UBE2E2: variants seen among roughly 807,000 people sequenced by gnomAD.
UBE2E2 encodes ubiquitin-conjugating enzyme E2 E2.
In UBE2E2, 6 loss-of-function variants were observed where a neutral mutation model predicts 24.7. That is an observed-to-expected ratio of 0.24 (90% CI 0.13 to 0.48). The LOEUF (loss-of-function observed/expected upper bound fraction) is 0.48, where lower values mean the gene tolerates loss of function less well. Among genes scored for constraint, UBE2E2 ranks in the 20% least tolerant of loss-of-function variants. UBE2E2 has a pLI of 0.99. For synonymous variants in UBE2E2, 104 were observed against 83.6 expected, an observed-to-expected ratio of 1.24 and a Z score of -1.33; for missense variants, 169 against 245.0, an observed-to-expected ratio of 0.69 and a Z score of 2.07.
At chr3:23,493,471 A>C (rs1355394950) in intron 3 of UBE2E2, among the ~76,000 whole-genome samples, 2 of 152,194 alleles carry the variant, frequency 1.3e-5, no homozygotes, top group Non-Finnish European at 2.9e-5. Flanking sequence ...TTCATTCTAA[A>C]AGATTTACCT....
chr3:23,454,594 G>C (rs1250006432), intron 3 of UBE2E2, among the ~76,000 whole-genome samples: 1 of 152,198 alleles, frequency 6.6e-6, no homozygotes, highest in Non-Finnish European at 1.5e-5. Flanking sequence ...ATATAACACA[G>C]ACTGTGTTTC....
chr3:23,568,698 T>C (rs200000531), intron 5 of UBE2E2, among the ~76,000 whole-genome samples: 2,895 of 59,144 alleles, frequency 0.049, 67 homozygotes, highest in Middle Eastern at 0.17. Flanking sequence ...TATACACACA[T>C]ATATATATAC....
chr3:23,561,443 G>C (rs1184688790), intron 5 of UBE2E2, among the ~76,000 whole-genome samples: 1 of 152,042 alleles, frequency 6.6e-6, no homozygotes, highest in African/African-American at 2.4e-5. Flanking sequence ...CTCTGTTTTG[G>C]TACCAGTACC....
intron 5 of UBE2E2, among the ~76,000 whole-genome samples, chr3:23,584,522 A>G (rs563663845): frequency 8.1e-4 from 123 of 152,034 alleles, no homozygotes; most frequent in African/African-American, 2.9e-3. Flanking sequence ...AGATCTCAAA[A>G]AATGCGAAGA....
intron 3 of UBE2E2, among the ~76,000 whole-genome samples, chr3:23,492,410 A>T (rs1185726391): frequency 6.6e-6 from 1 of 152,216 alleles, no homozygotes; most frequent in Non-Finnish European, 1.5e-5. Flanking sequence ...CCCTGGACTT[A>T]CAGGGACTGA....
chr3:23,309,027 A>T (rs935919431), intron 3 of UBE2E2, among the ~76,000 whole-genome samples: 2 of 152,194 alleles, frequency 1.3e-5, no homozygotes, highest in African/African-American at 4.8e-5. Flanking sequence ...AGCAAACTGA[A>T]TATCCCCCTT....
chr3:23,317,598 A>T (rs1433147380), intron 3 of UBE2E2, among the ~76,000 whole-genome samples: 1 of 152,176 alleles, frequency 6.6e-6, no homozygotes, highest in African/African-American at 2.4e-5. Flanking sequence ...GTGGAAGGCA[A>T]GGAGGAGTAA....
chr3:23,333,026 C>T (rs1005495773), intron 3 of UBE2E2, among the ~76,000 whole-genome samples: 1 of 152,158 alleles, frequency 6.6e-6, no homozygotes, highest in Non-Finnish European at 1.5e-5. Context: ...AAAAGTATGA[C>T]ATTGGTGATG....
rs1306610212 is a variant in UBE2E2 at position 23,407,349 on chromosome 3, C to T, written c.228-92259C>T. ...GCTACACAGCTGCTTAGTTCTGGTT[C>T]TGTGACCTTAGCTAAGATCCCAGTG... On this transcript the variant is annotated intron_variant, in intron 3 of 5. Coordinates refer to ENST00000396703, the MANE Select transcript of UBE2E2 (RefSeq NM_152653.4). This position sits in a 1 kb window ranked among gnomAD's most constrained non-coding sequence, Gnocchi z 4.0. Among the ~76,000 whole-genome samples, 1 of 152,150 alleles carries T rather than the reference C, an allele frequency of 6.6e-6. No individual in the cohort carries two copies. The highest frequency in any genetic ancestry group is 1.5e-5 in the Non-Finnish European group (1 of 68,020).
intron 3 of UBE2E2, among the ~76,000 whole-genome samples, chr3:23,265,361 G>C (rs1261398585): frequency 2.0e-5 from 3 of 152,088 alleles, no homozygotes; most frequent in East Asian, 3.9e-4. Context: ...ATGGTAGTGT[G>C]GTTTAGCTTA....
chr3:23,236,955 A>G (rs1296622932), intron 3 of UBE2E2, among the ~76,000 whole-genome samples: 1 of 152,088 alleles, frequency 6.6e-6, no homozygotes, highest in African/African-American at 2.4e-5. Context: ...TACTGCTTCC[A>G]TTCTGTAATT....
At chr3:23,259,194 C>A (rs1033412453) in intron 3 of UBE2E2, among the ~76,000 whole-genome samples, 2 of 152,066 alleles carry the variant, frequency 1.3e-5, no homozygotes, top group Non-Finnish European at 2.9e-5. Flanking sequence ...CCAGTGAGGC[C>A]CCCTAAATCA....
At chr3:23,384,084 C>T (rs1467890862) in intron 3 of UBE2E2, among the ~76,000 whole-genome samples, 1 of 152,144 alleles carries the variant, frequency 6.6e-6, no homozygotes, top group African/African-American at 2.4e-5. Flanking sequence ...TAACCTTAAA[C>T]TCCTGGGCTC....
chr3:23,380,777 G>A (rs1195700529), intron 3 of UBE2E2, among the ~76,000 whole-genome samples: 1 of 152,142 alleles, frequency 6.6e-6, no homozygotes, highest in Non-Finnish European at 1.5e-5. Context: ...GGATTCTCTA[G>A]TACTCTGTAT....
At chr3:23,377,999 A>G (rs1163416626) in intron 3 of UBE2E2, among the ~76,000 whole-genome samples, 1 of 152,010 alleles carries the variant, frequency 6.6e-6, no homozygotes, top group Non-Finnish European at 1.5e-5. Flanking sequence ...AATCACCACC[A>G]CTCACAATAC....
chr3:23,565,494 G>A (rs989951930), intron 5 of UBE2E2, among the ~76,000 whole-genome samples: 2 of 134,788 alleles, frequency 1.5e-5, no homozygotes, highest in Non-Finnish European at 3.0e-5. Flanking sequence ...TTTGCAGCTG[G>A]ACTGGGAGAA....
chr3:23,433,841 TCA>T (rs1390911619), intron 3 of UBE2E2, among the ~76,000 whole-genome samples: 1 of 152,010 alleles, frequency 6.6e-6, no homozygotes, highest in Non-Finnish European at 1.5e-5. Flanking sequence ...TCTTGCTTTT[TCA>T]CAAGATGTAA....
intron 5 of UBE2E2, among the ~76,000 whole-genome samples, chr3:23,533,539 C>T (rs574028435): frequency 6.6e-6 from 1 of 151,210 alleles, no homozygotes; most frequent in South Asian, 2.1e-4. Flanking sequence ...TTTTATAAAA[C>T]ATCAAGAAAT....
At chr3:23,486,086 C>T (rs1276105187) in intron 3 of UBE2E2, among the ~76,000 whole-genome samples, 1 of 152,164 alleles carries the variant, frequency 6.6e-6, no homozygotes, top group African/African-American at 2.4e-5. Flanking sequence ...AGGCTGCACT[C>T]AGCTTGCACT....
Sources: allele counts gnomAD v4.1 joint callset (sites outside exome capture counted in the v4.1 genomes callset), GRCh38; gene constraint gnomAD v4.1.1; non-coding constraint Gnocchi (gnomAD v3.1); transcripts MANE v1.5; gene names NCBI Gene and HGNC (gene_info 2026-07-23, HGNC 2026-07-21).